Variants in GPC3 observed in about 807,000 individuals in gnomAD.
GPC3 encodes the protein glypican 3.
A neutral mutation model predicts 34.4 loss-of-function variants in GPC3; 3 were observed. The ratio of observed to expected loss-of-function variants is 0.09; its 90% CI spans 0.04 to 0.23. GPC3 has a LOEUF of 0.23. Ranked by LOEUF, GPC3 falls within the 10% of genes least tolerant of loss-of-function variation. The probability of loss-of-function intolerance (pLI) is 1.00; values close to 1 mark genes in which losing one functional copy is unlikely to be tolerated. For synonymous variants in GPC3, 177 were observed against 174.0 expected, an observed-to-expected ratio of 1.02 and a Z score of -0.13; for missense variants, 351 against 445.6, an observed-to-expected ratio of 0.79 and a Z score of 1.91.
chrX:133,907,603 T>C (rs1197453389), intron 2 of GPC3, among the ~76,000 whole-genome samples: 2 of 112,102 alleles, frequency 1.8e-5, no homozygotes, highest in African/African-American at 6.5e-5. Context: ...TTTATATGCT[T>C]CTGAAACTAC....
chrX:133,642,101 C>T (rs1179747343), intron 6 of GPC3, among the ~76,000 whole-genome samples: 2 of 88,417 alleles, frequency 2.3e-5, no homozygotes, highest in African/African-American at 8.7e-5. Flanking sequence ...CAATGTAAAA[C>T]GGAGGCCACA....
intron 2 of GPC3, among the ~76,000 whole-genome samples, chrX:133,806,734 C>T (rs778062397): frequency 5.4e-4 from 59 of 110,120 alleles, no homozygotes; most frequent in African/African-American, 9.6e-4. Context: ...CTGCAAGTTC[C>T]GCCTCCCGGG....
At chrX:133,840,625 C>CCAT (rs778710263) in intron 2 of GPC3, among the ~76,000 whole-genome samples, 4 of 110,286 alleles carry the variant, frequency 3.6e-5, no homozygotes, top group Non-Finnish European at 7.6e-5. Context: ...ATCTTCATCA[C>CCAT]CATCATCATC....
chrX:133,929,745 C>T (rs1222972270), intron 2 of GPC3, among the ~76,000 whole-genome samples: 1 of 111,975 alleles, frequency 8.9e-6, no homozygotes, highest in Admixed American at 9.5e-5. Context: ...AATCTATGTG[C>T]CAAATACTTC....
intron 2 of GPC3, among the ~76,000 whole-genome samples, chrX:133,862,825 C>A (rs2075944370): frequency 1.8e-5 from 2 of 112,797 alleles, no homozygotes; most frequent in South Asian, 7.3e-4. Flanking sequence ...TCACATGAAC[C>A]ACAATGTGAA....
At position 133,868,340 on chromosome X, in the gene GPC3, G is replaced by A. The variant is rs749307715; in HGVS notation, c.337+84710C>T. 8.9e-5 allele frequency among the ~76,000 whole-genome samples: 10 copies of A among 112,169 alleles called. 1 individual carries two copies. The South Asian group carries it at 3.7e-3, about 42-fold the overall frequency. On this transcript the variant is annotated intron_variant, in intron 2 of 7. Transcript: ENST00000370818. ...AAACCACTGTCACAGGTCCTGTGAG[G>A]GGGATCAGGGAACTCTTCCATTTCA...
At chrX:133,828,736 T>C (rs754321919) in intron 2 of GPC3, among the ~76,000 whole-genome samples, 1 of 110,866 alleles carries the variant, frequency 9.0e-6, no homozygotes, top group Non-Finnish European at 1.9e-5. Context: ...TTCAGTTAGA[T>C]AGGAGAAAGA....
In GPC3 at chrX:133,850,194, G is replaced by GTTTT. The variant is rs749809263; in HGVS notation, c.338-96022_338-96019dup. On this transcript the variant is annotated intron_variant, in intron 2 of 7. Transcript: ENST00000370818. ...TTTTTTTGTTTGTTTTTTGGGTTTT[G>GTTTT]TTTTTTTTTTTTTTTTTTTGGTAAA... 4.8e-3 allele frequency among the ~76,000 whole-genome samples: 329 copies of GTTTT among 67,932 alleles called. 13 individuals are homozygous for GTTTT. The highest frequency in any genetic ancestry group is 0.014 in the African/African-American group (237 of 17,514). The allele number at this position is 67,932 out of a possible 115,157, so 59.0% of individuals were successfully genotyped here.
chrX:133,644,957 T>C (rs1286608703), intron 6 of GPC3, among the ~76,000 whole-genome samples: 1 of 111,284 alleles, frequency 9.0e-6, no homozygotes, highest in Non-Finnish European at 1.9e-5. Flanking sequence ...ATTTCTGTAT[T>C]TTTAGTAGAG....
intron 2 of GPC3, among the ~76,000 whole-genome samples, chrX:133,762,534 G>A (rs182342565): frequency 6.1e-4 from 68 of 111,072 alleles, no homozygotes; most frequent in African/African-American, 2.0e-3. Context: ...AGACAACCCC[G>A]TTAAAACATG....
chrX:133,621,427 T>G (rs1226488843), intron 6 of GPC3, among the ~76,000 whole-genome samples: 1 of 111,756 alleles, frequency 8.9e-6, no homozygotes, highest in African/African-American at 3.3e-5. Flanking sequence ...ACAGACGGTA[T>G]CTGGAAAATC....
intron 1 of GPC3, among the ~76,000 whole-genome samples, chrX:133,973,280 C>T (rs2076501054): frequency 8.9e-6 from 1 of 112,705 alleles, no homozygotes; most frequent in Non-Finnish European, 1.9e-5. Flanking sequence ...GTGAAAATTC[C>T]GGCTCCGCCA....
At chrX:133,965,059 C>T (rs1259364783) in intron 1 of GPC3, among the ~76,000 whole-genome samples, 2 of 111,600 alleles carry the variant, frequency 1.8e-5, no homozygotes, top group African/African-American at 6.5e-5. Context: ...TTACAACTAA[C>T]TTTAAGATTT....
chrX:133,950,701 G>A (rs2076388628), intron 2 of GPC3, among the ~76,000 whole-genome samples: 1 of 111,846 alleles, frequency 8.9e-6, no homozygotes, highest in Non-Finnish European at 1.9e-5. Flanking sequence ...AAAAGTGGAT[G>A]CTCTCTTTTT....
intron 3 of GPC3, among the ~76,000 whole-genome samples, chrX:133,713,828 C>T (rs768133010): frequency 1.2e-4 from 13 of 111,882 alleles, no homozygotes; most frequent in African/African-American, 3.9e-4. Flanking sequence ...TTGACAGCTT[C>T]CCAATACCTG....
intron 6 of GPC3, among the ~76,000 whole-genome samples, chrX:133,633,918 A>T (rs1290676856): frequency 8.9e-6 from 1 of 112,070 alleles, no homozygotes; most frequent in East Asian, 2.8e-4. Context: ...ACAAAGACTG[A>T]TGAATACTTA....
intron 2 of GPC3, among the ~76,000 whole-genome samples, chrX:133,874,259 T>C (rs1217373725): frequency 2.7e-5 from 3 of 112,180 alleles, no homozygotes; most frequent in African/African-American, 9.7e-5. Flanking sequence ...TCAGATAAAG[T>C]ATTTTTCTCA....
rs10633635 is a variant in GPC3, at chrX:133,776,878, CT to C, written c.338-22703del. Among the ~76,000 whole-genome samples, 85 of 79,626 alleles carry C rather than the reference CT, an allele frequency of 1.1e-3. 1 individual carries two copies. Among genetic ancestry groups the C allele is most frequent in the Admixed American group, 5.9e-3 (32 of 5,449 alleles). The allele number at this position is 79,626 out of a possible 115,157, so 69.1% of individuals were successfully genotyped here. A position where few individuals can be genotyped will look rare whatever the true frequency, so the allele number is the denominator to read the frequency against. On this transcript the variant is annotated intron_variant, in intron 2 of 7. Coordinates refer to ENST00000370818, the MANE Select transcript of GPC3 (RefSeq NM_004484.4). ...AGGAAGTAGTCACGTCCTTTCTTTT[CT>C]TTTTTTTTTTTTTTTTTTGAGATGG...
intron 7 of GPC3, among the ~76,000 whole-genome samples, chrX:133,567,188 A>C (rs2069589677): frequency 8.9e-6 from 1 of 112,142 alleles, no homozygotes; most frequent in Non-Finnish European, 1.9e-5. Flanking sequence ...CCATGGGTTG[A>C]ATGCTGAGTT....
Sources: gnomAD v4.1 joint callset for allele counts (sites outside exome capture counted in the v4.1 genomes callset) on GRCh38, gnomAD v4.1.1 for gene constraint, MANE v1.5 for transcripts, NCBI Gene and HGNC (gene_info 2026-07-23, HGNC 2026-07-21) for gene names.